The following SCNN1A variants were observed in gnomAD, a reference collection of about 807,000 sequenced individuals.
SCNN1A encodes the protein epithelial sodium channel subunit alpha.
A neutral mutation model predicts 68.6 loss-of-function variants in SCNN1A; 65 were observed. That is an observed-to-expected ratio of 0.95 (90% confidence interval 0.78 to 1.16). The LOEUF is 1.16. Among genes scored for constraint, SCNN1A ranks in the 50% most tolerant of loss-of-function variants. The pLI, the probability that SCNN1A is intolerant of heterozygous loss-of-function variation, is 0.00. For missense variants in SCNN1A, 880 were observed against 865.9 expected (o/e 1.02, Z -0.20); for synonymous variants, 357 against 353.3 (o/e 1.01, Z -0.12).
At chr12:6,376,096 A>T, upstream of SCNN1A, 1 of 988,978 alleles carries the variant, frequency 1.0e-6, no homozygotes, top group Non-Finnish European at 1.2e-6. Flanking sequence ...GCAGCCCTCC[A>T]AGGGCACCCA....
At chr12:6,377,004 A>C (rs1483701345), upstream of SCNN1A, among the ~76,000 whole-genome samples, 1 of 152,258 alleles carries the variant, frequency 6.6e-6, no homozygotes, top group Non-Finnish European at 1.5e-5. Flanking sequence ...GAGATAAGAC[A>C]TAAGAGCCAA....
chr12:6,368,089 T>C (rs1360732686), intron 2 of SCNN1A, among the ~76,000 whole-genome samples: 8 of 152,242 alleles, frequency 5.3e-5, no homozygotes, highest in Non-Finnish European at 7.3e-5. Flanking sequence ...GAGCACTTAT[T>C]ATGAGCCAGG....
upstream of SCNN1A, chr12:6,375,605 C>CGGGGG: frequency 6.8e-7 from 1 of 1,473,892 alleles, no homozygotes; most frequent in South Asian, 1.3e-5. Flanking sequence ...GTGAGCAGGG[C>CGGGGG]GGGGGGAGGG....
Position 6,347,740 on chromosome 12 carries a change from C to T in SCNN1A, c.*133G>A, listed in dbSNP as rs996111254. 2.6e-6 allele frequency: 2 copies of T among 772,344 alleles called. No individual in the cohort carries two copies. Among genetic ancestry groups the T allele is most frequent in the Non-Finnish European group, 2.2e-6 (1 of 452,196 alleles). 47.8% of individuals were successfully genotyped at this position (772,344 alleles called of 1,614,324 possible). On this transcript the variant is annotated 3_prime_UTR_variant, in exon 13 of 13. Coordinates refer to ENST00000228916, the MANE Select transcript of SCNN1A (RefSeq NM_001038.6). ...ACTTCCTGAGCCCTTACCCATCTTG[C>T]TTCCCCTCCACACATCAACGGCAGT...
chr12:6,364,833 GAA>G (rs1214782265), intron 2 of SCNN1A, among the ~76,000 whole-genome samples: 1 of 151,656 alleles, frequency 6.6e-6, no homozygotes, highest in Non-Finnish European at 1.5e-5. Flanking sequence ...GCTGGCAACA[GAA>G]AATTGGAAAA....
intron 11 of SCNN1A, 53 bp from the exon 12 acceptor site, chr12:6,348,855 A>G: frequency 6.2e-7 from 1 of 1,601,394 alleles, no homozygotes; most frequent in Non-Finnish European, 8.6e-7. Context: ...AATTTCCTGG[A>G]CCTTCCTCTA....
At chr12:6,366,605 A>G (rs955604953) in intron 2 of SCNN1A, among the ~76,000 whole-genome samples, 14 of 152,106 alleles carry the variant, frequency 9.2e-5, no homozygotes, top group Non-Finnish European at 1.9e-4. Flanking sequence ...GTTCGAGACC[A>G]GACTGACCAA....
upstream of SCNN1A, chr12:6,375,613 G>C: frequency 1.1e-6 from 1 of 913,060 alleles, no homozygotes; most frequent in Non-Finnish European, 1.7e-6. Flanking sequence ...GGCGGGGGGA[G>C]GGGCTGAGGA....
At position 6,348,717 on chromosome 12, in the gene SCNN1A, C is replaced by T; in HGVS notation, c.1629+10G>A. ...CAGAGCATCACAGGCTCCATCCAGGCACGACCTACCGTGACAGAGGGAGAC... is the reference window on the plus strand; with the variant it reads ...CAGAGCATCACAGGCTCCATCCAGGTACGACCTACCGTGACAGAGGGAGAC... On this transcript the variant is annotated intron_variant, in intron 12 of 12. Transcript: ENST00000228916. 2 of 1,611,096 alleles carry T rather than the reference C, an allele frequency of 1.2e-6. No homozygotes were observed. Among genetic ancestry groups the T allele is most frequent in the South Asian group, 1.1e-5 (1 of 90,960 alleles).
At position 6,374,484 on chromosome 12, in the gene SCNN1A, C is replaced by T; in HGVS notation, c.300G>A (p.Trp100Ter). 6.2e-7 allele frequency: 1 copy of T among 1,614,230 alleles called. No homozygotes were observed. ...LWLCTFGMMY[W>*]QFGLLFGEYF... ...ACTCTCCGAAAAGCAGGCCGAATTG[C>T]CAGTACATCATGCCAAAGGTGCAGA... The change falls in exon 2 of 13, where the codon TGG becomes TGA. Residue 100 changes from tryptophan (W) to a stop codon, truncating the protein, a stop_gained. Coordinates refer to ENST00000228916, the MANE Select transcript of SCNN1A (RefSeq NM_001038.6). LOFTEE classifies it high-confidence loss of function. The surrounding 1 kb of genome is among the most constrained non-coding windows in gnomAD (Gnocchi z 6.2).
intron 10 of SCNN1A, 22 bp downstream of exon 10, chr12:6,349,142 C>G: frequency 1.2e-6 from 2 of 1,611,598 alleles, no homozygotes; most frequent in Non-Finnish European, 1.7e-6. Flanking sequence ...CATCCCCCAC[C>G]CATCCCTTCC....
chr12:6,369,488 C>T (rs1948747128), intron 2 of SCNN1A, among the ~76,000 whole-genome samples: 2 of 152,090 alleles, frequency 1.3e-5, no homozygotes, highest in Admixed American at 6.5e-5. Context: ...TTCCATAGGG[C>T]CCCACCTTCA....
chr12:6,373,280 C>G (rs995086997), intron 2 of SCNN1A, among the ~76,000 whole-genome samples: 3 of 152,114 alleles, frequency 2.0e-5, no homozygotes, highest in Non-Finnish European at 4.4e-5. Flanking sequence ...CCAATATGTG[C>G]ACACACACAC....
chr12:6,359,544 T>A (rs1323948411), intron 4 of SCNN1A, among the ~76,000 whole-genome samples: 5 of 152,060 alleles, frequency 3.3e-5, no homozygotes, highest in African/African-American at 1.2e-4. Context: ...CAGTAATGAG[T>A]GAATCCTCAC....
intron 2 of SCNN1A, among the ~76,000 whole-genome samples, chr12:6,369,560 C>T (rs1252611951): frequency 2.0e-5 from 3 of 152,110 alleles, no homozygotes; most frequent in African/African-American, 2.4e-5. Context: ...TGGCCGGGCG[C>T]GGTGGCTCAC....
At chr12:6,350,931 A>G (rs1250198031) in intron 8 of SCNN1A, among the ~76,000 whole-genome samples, 45 of 152,246 alleles carry the variant, frequency 3.0e-4, no homozygotes, top group Admixed American at 2.8e-3. Flanking sequence ...AAAACCTCTT[A>G]TACTGCTGCT....
chr12:6,377,145 C>T (rs1317166149), upstream of SCNN1A: 1 of 856,256 alleles, frequency 1.2e-6, no homozygotes, highest in East Asian at 2.7e-5. Flanking sequence ...ACTCCAGGCT[C>T]AGGGTCCAAC....
At position 6,347,760 on chromosome 12, in the gene SCNN1A, G is replaced by T; in HGVS notation, c.*113C>A. The T allele has an allele frequency of 1.1e-6, 1 of 894,592 alleles. No homozygotes were observed. Among genetic ancestry groups the T allele is most frequent in the South Asian group, 1.4e-5 (1 of 69,982 alleles). 55.4% of individuals were successfully genotyped at this position (894,592 alleles called of 1,614,324 possible). A position where few individuals can be genotyped will look rare whatever the true frequency, so the allele number is the denominator to read the frequency against. ...TCTTGCTTCCCCTCCACACATCAAC[G>T]GCAGTTTGGGCGGCTCTGAGAGGAA... On this transcript the variant is annotated 3_prime_UTR_variant, in exon 13 of 13. Coordinates refer to ENST00000228916, the MANE Select transcript of SCNN1A (RefSeq NM_001038.6).
intron 1 of SCNN1A, 90 bp downstream of exon 1, chr12:6,375,415 G>A: frequency 1.3e-6 from 2 of 1,522,872 alleles, no homozygotes; most frequent in South Asian, 2.5e-5. Flanking sequence ...GGTCTGGGCT[G>A]CCTCCAGCTT....
Sources: allele counts gnomAD v4.1 joint callset (sites outside exome capture counted in the v4.1 genomes callset), GRCh38; gene constraint gnomAD v4.1.1; non-coding constraint Gnocchi (gnomAD v3.1); transcripts MANE v1.5; gene names NCBI Gene and HGNC (gene_info 2026-07-23, HGNC 2026-07-21).